The following ADGRL3 variants were observed in gnomAD, a reference collection of about 807,000 sequenced individuals.
ADGRL3 encodes the protein adhesion G protein-coupled receptor L3.
A neutral mutation model predicts 153.5 loss-of-function variants in ADGRL3; 62 were observed. That is an observed-to-expected ratio of 0.40 (90% CI 0.33 to 0.50). The LOEUF (loss-of-function observed/expected upper bound fraction) is 0.50. Ranked by LOEUF, ADGRL3 falls within the 20% of genes least tolerant of loss-of-function variation. The pLI is 0.47. For missense variants in ADGRL3, 1,641 were observed against 1,859.4 expected (o/e 0.88, Z 2.16); for synonymous variants, 710 against 672.5 (o/e 1.06, Z -0.86).
intron 1 of ADGRL3, among the ~76,000 whole-genome samples, chr4:61,302,206 T>A (rs1403923025): frequency 6.6e-5 from 10 of 152,198 alleles, no homozygotes; most frequent in African/African-American, 2.4e-4. Flanking sequence ...GGCCTTTGAT[T>A]TTATTGAAAG....
chr4:61,514,331 A>C (rs1191258336), intron 3 of ADGRL3, among the ~76,000 whole-genome samples: 1 of 152,174 alleles, frequency 6.6e-6, no homozygotes, highest in Non-Finnish European at 1.5e-5. Flanking sequence ...AATTGAAGGA[A>C]TCTTTGCAGA....
At chr4:61,866,165 A>G (rs540379290) in intron 9 of ADGRL3, among the ~76,000 whole-genome samples, 1 of 152,202 alleles carries the variant, frequency 6.6e-6, no homozygotes, top group East Asian at 1.9e-4. Context: ...TCACTTTTGT[A>G]GTGGAATTGT....
intron 2 of ADGRL3, among the ~76,000 whole-genome samples, chr4:61,399,021 T>C (rs1014662873): frequency 4.0e-5 from 6 of 151,742 alleles, no homozygotes; most frequent in Non-Finnish European, 4.4e-5. Flanking sequence ...CTTGAATTTA[T>C]TCATATATTC....
At chr4:61,817,219 C>A (rs2097698345) in intron 9 of ADGRL3, among the ~76,000 whole-genome samples, 1 of 150,092 alleles carries the variant, frequency 6.7e-6, no homozygotes. Flanking sequence ...AGGAGGCAGA[C>A]AGGTTCCCGG....
intron 9 of ADGRL3, among the ~76,000 whole-genome samples, chr4:61,830,796 A>G (rs2097859591): frequency 6.6e-6 from 1 of 152,238 alleles, no homozygotes. Flanking sequence ...AGCTATTTGA[A>G]GGGCTAGAGA....
intron 2 of ADGRL3, among the ~76,000 whole-genome samples, chr4:61,395,914 C>G (rs571927472): frequency 6.6e-6 from 1 of 151,872 alleles, no homozygotes. Context: ...TGTTATCCCA[C>G]CTGTTGAGAG....
intron 11 of ADGRL3, among the ~76,000 whole-genome samples, chr4:61,904,595 T>C (rs2098686527): frequency 6.6e-6 from 1 of 152,156 alleles, no homozygotes; most frequent in South Asian, 2.1e-4. Context: ...GAGAATTGCA[T>C]AGGCCTTCTT....
intron 12 of ADGRL3, among the ~76,000 whole-genome samples, chr4:61,910,003 G>A (rs2098715026): frequency 6.6e-6 from 1 of 151,858 alleles, no homozygotes; most frequent in Non-Finnish European, 1.5e-5. Flanking sequence ...GTTTTCCATG[G>A]CAGTTATTCT....
chr4:61,913,612 A>G (rs1222296067), intron 13 of ADGRL3, among the ~76,000 whole-genome samples: 1 of 152,228 alleles, frequency 6.6e-6, no homozygotes. Flanking sequence ...GCAGGTGAAC[A>G]TAATATCAAG....
intron 8 of ADGRL3, among the ~76,000 whole-genome samples, chr4:61,743,131 T>A (rs1273753580): frequency 6.6e-6 from 1 of 151,750 alleles, no homozygotes; most frequent in Non-Finnish European, 1.5e-5. Context: ...CCATCCTGGC[T>A]AACATGGCGA....
chr4:61,903,285 G>A (rs2098675070), intron 11 of ADGRL3, among the ~76,000 whole-genome samples: 1 of 151,962 alleles, frequency 6.6e-6, no homozygotes, highest in Non-Finnish European at 1.5e-5. Flanking sequence ...GGTTTCACTT[G>A]GTGGTTACTT....
intron 19 of ADGRL3, among the ~76,000 whole-genome samples, chr4:61,991,953 A>G (rs1259108569): frequency 6.7e-6 from 1 of 148,812 alleles, no homozygotes; most frequent in South Asian, 2.1e-4. Flanking sequence ...TAATATACAT[A>G]TATAATAAAC....
At chr4:61,815,608 A>G (rs1309302156) in intron 9 of ADGRL3, among the ~76,000 whole-genome samples, 2 of 152,220 alleles carry the variant, frequency 1.3e-5, no homozygotes, top group Non-Finnish European at 2.9e-5. Context: ...AACTGCTTGG[A>G]TGCTACTTGG....
intron 1 of ADGRL3, among the ~76,000 whole-genome samples, chr4:61,214,071 T>C (rs1368015951): frequency 6.6e-6 from 1 of 152,194 alleles, no homozygotes; most frequent in Non-Finnish European, 1.5e-5. Flanking sequence ...AGTTCTACTA[T>C]GTATATATGT....
At chr4:62,007,910 T>A (rs532036207) in intron 21 of ADGRL3, among the ~76,000 whole-genome samples, 2 of 152,180 alleles carry the variant, frequency 1.3e-5, no homozygotes, top group East Asian at 3.9e-4. Context: ...CTTAGAAGTG[T>A]AGAACCTGCA....
intron 1 of ADGRL3, among the ~76,000 whole-genome samples, chr4:61,354,065 T>G (rs114534250): frequency 0.011 from 1,655 of 152,276 alleles, 30 homozygotes; most frequent in African/African-American, 0.038. Flanking sequence ...ATACCAAACA[T>G]TTACTGGTTG....
intron 11 of ADGRL3, among the ~76,000 whole-genome samples, chr4:61,909,143 TG>T (rs1193302426): frequency 1.3e-5 from 2 of 152,212 alleles, no homozygotes; most frequent in Non-Finnish European, 2.9e-5. Flanking sequence ...GAGTATTCAC[TG>T]TGAACTAAGT....
intron 3 of ADGRL3, among the ~76,000 whole-genome samples, chr4:61,512,434 A>G (rs1191475690): frequency 1.3e-5 from 2 of 152,134 alleles, no homozygotes; most frequent in Non-Finnish European, 2.9e-5. Flanking sequence ...GGCTTCGTCC[A>G]TAGGCATTTT....
intron 8 of ADGRL3, among the ~76,000 whole-genome samples, chr4:61,813,224 C>T (rs548777751): frequency 4.4e-4 from 67 of 152,176 alleles, no homozygotes. Context: ...GAAACCCCAT[C>T]TCTACTACAA....
Sources: gnomAD v4.1 joint callset for allele counts (sites outside exome capture counted in the v4.1 genomes callset) on GRCh38, gnomAD v4.1.1 for gene constraint, MANE v1.5 for transcripts, NCBI Gene and HGNC (gene_info 2026-07-23, HGNC 2026-07-21) for gene names.